Variants in CSMD1 observed in about 807,000 individuals in gnomAD.
The protein encoded by CSMD1 is CUB and sushi domain-containing protein 1.
Under a neutral mutation model 417.5 loss-of-function variants are expected in CSMD1, and 213 were observed. The observed-to-expected ratio is 0.51, with a 90% CI of 0.46 to 0.57. The LOEUF (loss-of-function observed/expected upper bound fraction) is 0.57. Among genes scored for constraint, CSMD1 ranks in the 20% least tolerant of loss-of-function variants. The pLI is 0.00. For missense variants in CSMD1, 6,923 were observed against 4,529.7 expected (o/e 1.53, Z -15.17); for synonymous variants, 2,862 against 1,736.8 (o/e 1.65, Z -16.11).
intron 18 of CSMD1, among the ~76,000 whole-genome samples, chr8:3,369,701 A>G (rs1286240852): frequency 6.6e-6 from 1 of 152,222 alleles, no homozygotes; most frequent in Non-Finnish European, 1.5e-5. Flanking sequence ...GCAGCACTTC[A>G]TTGAGTTCAA....
chr8:4,382,540 A>G (rs780884468), intron 3 of CSMD1, among the ~76,000 whole-genome samples: 1 of 152,246 alleles, frequency 6.6e-6, no homozygotes, highest in Non-Finnish European at 1.5e-5. Context: ...AAAAAGGATT[A>G]TAAAAAACCC....
chr8:3,050,146 C>T (rs1811724286), intron 50 of CSMD1, among the ~76,000 whole-genome samples: 1 of 150,502 alleles, frequency 6.6e-6, no homozygotes, highest in South Asian at 2.1e-4. Context: ...CCACCTAAGA[C>T]CAGTTGCCTC....
At chr8:3,944,688 G>A (rs946331601) in intron 5 of CSMD1, among the ~76,000 whole-genome samples, 1 of 152,138 alleles carries the variant, frequency 6.6e-6, no homozygotes, top group African/African-American at 2.4e-5. Context: ...AAAGATCTAT[G>A]TTGAAAATGC....
At chr8:4,454,678 T>C (rs1056444967) in intron 2 of CSMD1, among the ~76,000 whole-genome samples, 3 of 152,318 alleles carry the variant, frequency 2.0e-5, no homozygotes, top group Non-Finnish European at 4.4e-5. Context: ...TATCTTAGCA[T>C]GTTCTCTACA....
chr8:3,875,376 C>T (rs1319849727), intron 5 of CSMD1, among the ~76,000 whole-genome samples: 14 of 152,110 alleles, frequency 9.2e-5, no homozygotes, highest in African/African-American at 2.2e-4. Context: ...GACGTTTTGG[C>T]GACTTCTGCG....
At chr8:4,154,057 G>A (rs1472102263) in intron 3 of CSMD1, among the ~76,000 whole-genome samples, 1 of 152,152 alleles carries the variant, frequency 6.6e-6, no homozygotes. Flanking sequence ...TTTTCCTAAG[G>A]AGGTAATAAA....
intron 3 of CSMD1, among the ~76,000 whole-genome samples, chr8:4,253,320 T>G (rs1177704235): frequency 6.6e-6 from 1 of 152,180 alleles, no homozygotes; most frequent in East Asian, 1.9e-4. Context: ...TTTGTCTCTT[T>G]TTTCCCCTAC....
At chr8:3,655,556 A>T (rs1484284044) in intron 7 of CSMD1, among the ~76,000 whole-genome samples, 1 of 152,020 alleles carries the variant, frequency 6.6e-6, no homozygotes, top group Non-Finnish European at 1.5e-5. Flanking sequence ...CAACTGTGTA[A>T]GGTACCAAGA....
intron 10 of CSMD1, among the ~76,000 whole-genome samples, chr8:3,566,003 C>T (rs1301076898): frequency 6.6e-6 from 1 of 152,170 alleles, no homozygotes; most frequent in Non-Finnish European, 1.5e-5. Context: ...CATTGACACC[C>T]CATTTCCTTT....
At chr8:4,324,444 G>A (rs750910242) in intron 3 of CSMD1, among the ~76,000 whole-genome samples, 2 of 152,202 alleles carry the variant, frequency 1.3e-5, no homozygotes, top group Non-Finnish European at 2.9e-5. Context: ...GCCTTTGTCA[G>A]TGAACACAGC....
intron 18 of CSMD1, among the ~76,000 whole-genome samples, chr8:3,384,483 A>G (rs1447008338): frequency 6.6e-6 from 1 of 151,312 alleles, no homozygotes; most frequent in East Asian, 1.9e-4. Flanking sequence ...TTTCCATACC[A>G]ATTCCACATT....
intron 3 of CSMD1, among the ~76,000 whole-genome samples, chr8:4,198,357 G>A (rs185051954): frequency 6.6e-6 from 1 of 152,332 alleles, no homozygotes; most frequent in East Asian, 1.9e-4. Context: ...GCTAAGCCAG[G>A]AGCCTGAACT....
chr8:4,994,230 G>T, intron 1 of CSMD1, 102 bp downstream of exon 1: 1 of 992,476 alleles, frequency 1.0e-6, no homozygotes, highest in Non-Finnish European at 1.5e-6. Context: ...GGGCAGAGGC[G>T]GCCACTCCGT....
At chr8:4,706,955 G>A (rs932962089) in intron 1 of CSMD1, among the ~76,000 whole-genome samples, 4 of 152,210 alleles carry the variant, frequency 2.6e-5, no homozygotes, top group Non-Finnish European at 4.4e-5. Flanking sequence ...AAGCTTGGCA[G>A]AGGTTGGGGT....
At chr8:4,439,141 G>C (rs963876375) in intron 2 of CSMD1, among the ~76,000 whole-genome samples, 6 of 152,012 alleles carry the variant, frequency 3.9e-5, no homozygotes, top group East Asian at 1.9e-4. Context: ...ATATCACCTT[G>C]TTACTGCTGT....
chr8:3,402,500 A>C (rs1563350792), intron 15 of CSMD1, among the ~76,000 whole-genome samples: 1 of 152,200 alleles, frequency 6.6e-6, no homozygotes, highest in Admixed American at 6.5e-5. Context: ...GAAAGAGAGA[A>C]AGAGAAACCT....
chr8:3,613,236 G>T (rs1179637334), intron 8 of CSMD1: 6 of 413,920 alleles, frequency 1.4e-5, no homozygotes, highest in South Asian at 8.8e-5. Flanking sequence ...ATCTACATAA[G>T]CCTGTAAGTA....
intron 51 of CSMD1, among the ~76,000 whole-genome samples, chr8:3,019,736 C>T (rs980912154): frequency 1.3e-5 from 2 of 152,166 alleles, no homozygotes. Flanking sequence ...GTTTGGCAAA[C>T]AAGTTAATGG....
intron 1 of CSMD1, among the ~76,000 whole-genome samples, chr8:4,678,959 C>G (rs1009457274): frequency 2.0e-5 from 3 of 152,160 alleles, no homozygotes; most frequent in Non-Finnish European, 4.4e-5. Context: ...ACCTTACCAG[C>G]TATGCTAAGA....
Sources: gnomAD v4.1 joint callset for allele counts (sites outside exome capture counted in the v4.1 genomes callset) on GRCh38, gnomAD v4.1.1 for gene constraint, MANE v1.5 for transcripts, NCBI Gene and HGNC (gene_info 2026-07-23, HGNC 2026-07-21) for gene names.